Variants in SUSD5 observed in about 807,000 individuals in gnomAD.
SUSD5 encodes sushi domain-containing protein 5.
SUSD5 carries 33 observed loss-of-function variants against 29.5 expected under a neutral mutation model. That is an observed-to-expected ratio of 1.12 (90% confidence interval 0.85 to 1.49). The LOEUF is 1.49. SUSD5 is among the 40% of genes most tolerant of loss of function. The probability of loss-of-function intolerance (pLI) is 0.00; values close to 1 mark genes in which losing one functional copy is unlikely to be tolerated. For synonymous variants in SUSD5, 308 were observed against 325.3 expected, an observed-to-expected ratio of 0.95 and a Z score of 0.57; for missense variants, 776 against 800.6, an observed-to-expected ratio of 0.97 and a Z score of 0.37.
intron 4 of SUSD5, among the ~76,000 whole-genome samples, chr3:33,170,189 G>A (rs1004882771): frequency 2.0e-5 from 3 of 152,130 alleles, no homozygotes; most frequent in Non-Finnish European, 4.4e-5. Context: ...AAAGTGCTGG[G>A]ATTACAGGCA....
intron 3 of SUSD5, among the ~76,000 whole-genome samples, chr3:33,176,210 G>A (rs2031549141): frequency 6.6e-6 from 1 of 152,050 alleles, no homozygotes; most frequent in South Asian, 2.1e-4. Context: ...TTATTCCATT[G>A]TCTGGATGTA....
Position 33,152,438 on chromosome 3 carries a change from C to A in SUSD5, c.*304G>T. On this transcript the variant is annotated 3_prime_UTR_variant, in exon 5 of 5. Coordinates refer to ENST00000309558, the MANE Select transcript of SUSD5 (RefSeq NM_015551.2). ...CTGTCTCAAAAAAAAAAAGATAATA[C>A]TGTGATGAAGGAAGAGGCGATTTTT... The A allele has an allele frequency of 3.2e-6, 1 of 316,846 alleles. No individual in the cohort carries two copies. Among genetic ancestry groups the A allele is most frequent in the Non-Finnish European group, 5.8e-6 (1 of 172,970 alleles). 19.6% of individuals were successfully genotyped at this position (316,846 alleles called of 1,614,324 possible).
At chr3:33,194,890 G>A (rs2031965670) in intron 3 of SUSD5, among the ~76,000 whole-genome samples, 1 of 152,078 alleles carries the variant, frequency 6.6e-6, no homozygotes, top group Non-Finnish European at 1.5e-5. Flanking sequence ...TTAGCTCAGA[G>A]GCAAGAATAA....
Position 33,165,809 on chromosome 3 carries a change from G to A in SUSD5, c.598+9077C>T, listed in dbSNP as rs370870581. Reference sequence around the variant, plus strand: ...TCATTCAATTTTATATCAACAGTAGGCATTCATTCATCTTAAGATGTCTGT... The same window carrying A: ...TCATTCAATTTTATATCAACAGTAGACATTCATTCATCTTAAGATGTCTGT... On this transcript the variant is annotated intron_variant, in intron 4 of 4. Coordinates refer to ENST00000309558, the MANE Select transcript of SUSD5 (RefSeq NM_015551.2). Among the ~76,000 whole-genome samples the A allele has an allele frequency of 3.2e-4, 49 of 152,218 alleles. No individual in the cohort carries two copies. The South Asian group carries it at 7.5e-3, about 23-fold the overall frequency.
At chr3:33,169,065 T>C (rs2031366427) in intron 4 of SUSD5, among the ~76,000 whole-genome samples, 1 of 111,158 alleles carries the variant, frequency 9.0e-6, no homozygotes, top group African/African-American at 3.1e-5. Context: ...TCGACATTTC[T>C]ACGGAATTCC....
At chr3:33,205,970 C>G (rs1298077875) in intron 3 of SUSD5, among the ~76,000 whole-genome samples, 1 of 152,120 alleles carries the variant, frequency 6.6e-6, no homozygotes, top group East Asian at 1.9e-4. Flanking sequence ...ACTCAGAAGC[C>G]CTACATTATT....
intron 2 of SUSD5, among the ~76,000 whole-genome samples, chr3:33,212,320 C>T (rs2032337393): frequency 6.6e-6 from 1 of 152,066 alleles, no homozygotes; most frequent in African/African-American, 2.4e-5. Context: ...TGCCTGAGTC[C>T]AGGAGTTTGA....
At chr3:33,174,862 G>A (rs767225308) in intron 4 of SUSD5, 24 bp downstream of exon 4, 2 of 1,610,826 alleles carry the variant, frequency 1.2e-6, no homozygotes, top group African/African-American at 2.7e-5. Context: ...GCACGCGAAG[G>A]TGGCCCATCC....
chr3:33,179,033 T>A (rs1236765149), intron 3 of SUSD5, among the ~76,000 whole-genome samples: 1 of 152,186 alleles, frequency 6.6e-6, no homozygotes, highest in Non-Finnish European at 1.5e-5. Flanking sequence ...CCTTAAATGT[T>A]TGGCAGAATC....
chr3:33,185,630 G>A (rs1246084989), intron 3 of SUSD5, among the ~76,000 whole-genome samples: 1 of 152,224 alleles, frequency 6.6e-6, no homozygotes, highest in Non-Finnish European at 1.5e-5. Context: ...AGCTGTGGAT[G>A]TGTCAGTTTG....
At chr3:33,173,142 A>G (rs2031471172) in intron 4 of SUSD5, among the ~76,000 whole-genome samples, 1 of 152,248 alleles carries the variant, frequency 6.6e-6, no homozygotes, top group South Asian at 2.1e-4. Flanking sequence ...TTAACATGTG[A>G]TAAGTGCTTG....
At chr3:33,181,282 T>A (rs1369197175) in intron 3 of SUSD5, among the ~76,000 whole-genome samples, 1 of 151,724 alleles carries the variant, frequency 6.6e-6, no homozygotes, top group African/African-American at 2.4e-5. Context: ...ATTCACTGAC[T>A]CAACCATGGC....
Position 33,150,392 on chromosome 3 carries a change from C to T in SUSD5, c.*2350G>A, listed in dbSNP as rs1301849222. 6.6e-6 allele frequency: 1 copy of T among 151,642 alleles called. No individual in the cohort carries two copies. Among genetic ancestry groups the T allele is most frequent in the Admixed American group, 6.6e-5 (1 of 15,238 alleles). 9.4% of individuals were successfully genotyped at this position (151,642 alleles called of 1,614,324 possible). A position where few individuals can be genotyped will look rare whatever the true frequency, so the allele number is the denominator to read the frequency against. On this transcript the variant is annotated 3_prime_UTR_variant, in exon 5 of 5. Transcript: ENST00000309558. Reference sequence around the variant, plus strand: ...TTATTAATACACTGTATTAATATTGCCTATTTGTTGGTATAAATCCAATGT... The same window carrying T: ...TTATTAATACACTGTATTAATATTGTCTATTTGTTGGTATAAATCCAATGT...
At chr3:33,188,690 G>A (rs2031826717) in intron 3 of SUSD5, among the ~76,000 whole-genome samples, 1 of 152,166 alleles carries the variant, frequency 6.6e-6, no homozygotes, top group Non-Finnish European at 1.5e-5. Flanking sequence ...GATAAGAATT[G>A]GAATAGAGAT....
At chr3:33,172,168 A>T (rs1016623481) in intron 4 of SUSD5, among the ~76,000 whole-genome samples, 1 of 143,680 alleles carries the variant, frequency 7.0e-6, no homozygotes, top group Non-Finnish European at 1.5e-5. Context: ...TCTGGTGAAG[A>T]TACTCTTGTA....
chr3:33,192,249 C>CTTTTTTTTTT (rs1159569946), intron 3 of SUSD5, among the ~76,000 whole-genome samples: 4 of 131,900 alleles, frequency 3.0e-5, no homozygotes, highest in East Asian at 2.2e-4. Context: ...AATTTTTTTT[C>CTTTTTTTTTT]TTTTTTTTTT....
Position 33,218,750 on chromosome 3 carries a change from G to A in SUSD5, c.48C>T (p.Leu16=), listed in dbSNP as rs563256436. ...GCAGCGCCGCCGCCCAGAGCCCGGGGAGGCGTCTGTGCCAACGGGCAGGCG... is the reference window on the plus strand; with the variant it reads ...GCAGCGCCGCCGCCCAGAGCCCGGGAAGGCGTCTGTGCCAACGGGCAGGCG... ...PSPPARWHRR[L]PGLWAAALLL... is the part of the protein sequence containing the mutation. The change falls in exon 1 of 5, where the codon CTC becomes CTT. Residue 16 remains leucine (L), a synonymous_variant. Coordinates refer to ENST00000309558, the MANE Select transcript of SUSD5 (RefSeq NM_015551.2). 6.8e-5 allele frequency: 95 copies of A among 1,396,330 alleles called. 1 individual carries two copies. In the Middle Eastern group the frequency reaches 1.1e-3, roughly 16 times the overall value. The allele number at this position is 1,396,330 out of a possible 1,614,324, so 86.5% of individuals were successfully genotyped here.
chr3:33,153,548 C>G lies in SUSD5; in HGVS notation c.1084G>C (p.Val362Leu). ...GKNDSKAGDP[V>L]VSSSDESWLD... ...CAGGACTCATCACTGCTGCTCACCA[C>G]TGGATCTCCTGCCTTGCTGTCATTC... Residue 362 changes from valine to leucine, a missense_variant, in exon 5 of 5, where the codon GTG becomes CTG. Val to Leu is a conservative substitution (Grantham distance 32). Coordinates refer to ENST00000309558, the MANE Select transcript of SUSD5 (RefSeq NM_015551.2). The G allele has an allele frequency of 2.5e-6, 4 of 1,614,062 alleles. No individual in the cohort carries two copies. Among genetic ancestry groups the G allele is most frequent in the Non-Finnish European group, 3.4e-6 (4 of 1,179,924 alleles).
At position 33,202,080 on chromosome 3, in the gene SUSD5, C is replaced by CT. The variant is rs11415677; in HGVS notation, c.409+5727_409+5728insA. ...TCTATCTGTCTATCTATCTATCTAT[C>CT]ATCTATCTATCATCTATCTGAAGCA... On this transcript the variant is annotated intron_variant, in intron 3 of 4. Transcript: ENST00000309558. 5.4e-3 allele frequency among the ~76,000 whole-genome samples: 744 copies of CT among 136,676 alleles called. 6 individuals carry two copies. The highest frequency in any genetic ancestry group is 0.019 in the African/African-American group (709 of 36,938). The allele number at this position is 136,676 out of a possible 152,430, so 89.7% of individuals were successfully genotyped here.
Sources: allele counts gnomAD v4.1 joint callset (sites outside exome capture counted in the v4.1 genomes callset), GRCh38; gene constraint gnomAD v4.1.1; transcripts MANE v1.5; gene names NCBI Gene and HGNC (gene_info 2026-07-23, HGNC 2026-07-21).